Variants in LINGO2 observed in about 807,000 individuals in gnomAD.
The protein encoded by LINGO2 is leucine-rich repeat and immunoglobulin-like domain-containing nogo receptor-interacting protein 2.
In LINGO2, 14 loss-of-function variants were observed where a neutral mutation model predicts 30.6. The observed-to-expected ratio is 0.46, with a 90% CI of 0.30 to 0.72. The LOEUF (loss-of-function observed/expected upper bound fraction) is 0.72. Among genes scored for constraint, LINGO2 ranks in the 30% least tolerant of loss-of-function variants. The pLI is 0.07. For synonymous variants in LINGO2, 317 were observed against 288.5 expected, an observed-to-expected ratio of 1.10 and a Z score of -1.00; for missense variants, 729 against 751.7, an observed-to-expected ratio of 0.97 and a Z score of 0.35.
chr9:28,940,393 T>C, the LINGO2 span, among the ~76,000 whole-genome samples: 2 of 152,218 alleles, frequency 1.3e-5, no homozygotes, highest in African/African-American at 4.8e-5. Context: ...ATATTGAAAA[T>C]AGCAAGCCCT....
At chr9:28,807,316 G>T in the LINGO2 span, among the ~76,000 whole-genome samples, 4 of 152,120 alleles carry the variant, frequency 2.6e-5, no homozygotes, top group South Asian at 8.3e-4. Context: ...GAGCCACCAT[G>T]CCCGGCCGTG....
At chr9:28,717,926 A>G in the LINGO2 span, among the ~76,000 whole-genome samples, 2 of 152,012 alleles carry the variant, frequency 1.3e-5, no homozygotes, top group Non-Finnish European at 1.5e-5. Context: ...ACTTAAATTC[A>G]CAGAGCATTT....
chr9:28,960,829 T>C, the LINGO2 span, among the ~76,000 whole-genome samples: 1 of 85,518 alleles, frequency 1.2e-5, no homozygotes, highest in African/African-American at 3.2e-5. Context: ...CTAGAAAATG[T>C]TGAAAAAAAT....
chr9:28,162,207 C>A (rs1374525360), intron 4 of LINGO2, among the ~76,000 whole-genome samples: 1 of 152,064 alleles, frequency 6.6e-6, no homozygotes, highest in African/African-American at 2.4e-5. Context: ...AGTCAGAGGA[C>A]ATTTCTATCA....
chr9:28,478,956 G>C (rs914001975), intron 1 of LINGO2, among the ~76,000 whole-genome samples: 2 of 151,842 alleles, frequency 1.3e-5, no homozygotes, highest in African/African-American at 4.8e-5. Flanking sequence ...TCCTTTTACA[G>C]TATACATTTT....
At chr9:29,053,323 G>A in the LINGO2 span, among the ~76,000 whole-genome samples, 1 of 152,098 alleles carries the variant, frequency 6.6e-6, no homozygotes, top group Non-Finnish European at 1.5e-5. Context: ...GTTTCTGTTT[G>A]AACTCAGCTT....
chr9:29,004,869 C>A, the LINGO2 span, among the ~76,000 whole-genome samples: 1 of 152,016 alleles, frequency 6.6e-6, no homozygotes, highest in East Asian at 1.9e-4. Flanking sequence ...CCTGTACCTC[C>A]TTGGACAATT....
At chr9:28,790,035 C>T in the LINGO2 span, among the ~76,000 whole-genome samples, 1 of 152,088 alleles carries the variant, frequency 6.6e-6, no homozygotes, top group Non-Finnish European at 1.5e-5. Flanking sequence ...TGGTCAACTG[C>T]GGTTCAAAAA....
At chr9:28,242,905 T>G (rs1794675212) in intron 4 of LINGO2, among the ~76,000 whole-genome samples, 1 of 152,138 alleles carries the variant, frequency 6.6e-6, no homozygotes, top group Non-Finnish European at 1.5e-5. Context: ...ATAAAATCCT[T>G]TTCAGACAAG....
chr9:28,135,548 T>A (rs1827494025), intron 4 of LINGO2, among the ~76,000 whole-genome samples: 1 of 151,876 alleles, frequency 6.6e-6, no homozygotes, highest in Non-Finnish European at 1.5e-5. Flanking sequence ...ATCCTCCCCA[T>A]ATCATTTTCA....
intron 5 of LINGO2, among the ~76,000 whole-genome samples, chr9:27,954,809 T>G (rs1232126725): frequency 2.6e-5 from 4 of 152,214 alleles, no homozygotes; most frequent in Non-Finnish European, 5.9e-5. Context: ...TTTTTAGTTT[T>G]TCTGAGAAAT....
chr9:28,689,807 CAT>C, the LINGO2 span, among the ~76,000 whole-genome samples: 1 of 152,094 alleles, frequency 6.6e-6, no homozygotes, highest in East Asian at 1.9e-4. Context: ...ACAGCAAAGA[CAT>C]AAAGTCAACC....
the LINGO2 span, among the ~76,000 whole-genome samples, chr9:28,882,709 C>T: frequency 6.6e-6 from 1 of 152,142 alleles, no homozygotes; most frequent in African/African-American, 2.4e-5. Flanking sequence ...GTGGACCACA[C>T]TGACACATAT....
At chr9:28,678,815 A>G in the LINGO2 span, among the ~76,000 whole-genome samples, 1 of 152,180 alleles carries the variant, frequency 6.6e-6, no homozygotes, top group Non-Finnish European at 1.5e-5. Context: ...AGCTCTGGCT[A>G]TATTGTTACC....
At chr9:28,383,140 A>C (rs1821420358) in intron 2 of LINGO2, among the ~76,000 whole-genome samples, 2 of 151,962 alleles carry the variant, frequency 1.3e-5, no homozygotes, top group South Asian at 4.1e-4. Flanking sequence ...AGGAAGAAGA[A>C]TATTCACCCT....
chr9:28,418,966 T>C (rs1056710810), intron 2 of LINGO2, among the ~76,000 whole-genome samples: 15 of 152,186 alleles, frequency 9.9e-5, no homozygotes, highest in African/African-American at 3.6e-4. Flanking sequence ...TCCTTTGATC[T>C]ATAACATGAT....
At chr9:28,638,659 G>C (rs975975472) in intron 1 of LINGO2, among the ~76,000 whole-genome samples, 1 of 151,988 alleles carries the variant, frequency 6.6e-6, no homozygotes, top group Non-Finnish European at 1.5e-5. Flanking sequence ...TGGGATCGGC[G>C]GTGATATCCC....
the LINGO2 span, among the ~76,000 whole-genome samples, chr9:28,790,779 C>T: frequency 2.6e-5 from 4 of 151,984 alleles, no homozygotes; most frequent in South Asian, 4.2e-4. Context: ...TTGTTAATCT[C>T]GTATTGTTCC....
chr9:28,320,690 C>G (rs1054656745), intron 3 of LINGO2, among the ~76,000 whole-genome samples: 4 of 152,152 alleles, frequency 2.6e-5, no homozygotes, highest in Non-Finnish European at 4.4e-5. Context: ...CCAGATCGCT[C>G]TCTATGAATG....
Sources: allele counts gnomAD v4.1 joint callset (sites outside exome capture counted in the v4.1 genomes callset), GRCh38; gene constraint gnomAD v4.1.1; transcripts MANE v1.5; gene names NCBI Gene and HGNC (gene_info 2026-07-23, HGNC 2026-07-21).